TGM4: variants seen among roughly 807,000 people sequenced by gnomAD.
TGM4 encodes the protein transglutaminase 4.
Under a neutral mutation model 76.3 loss-of-function variants are expected in TGM4, and 61 were observed. That is an observed-to-expected ratio of 0.80 (90% CI 0.65 to 0.99). The LOEUF (loss-of-function observed/expected upper bound fraction) is 0.99, where lower values mean the gene tolerates loss of function less well. Among genes scored for constraint, TGM4 ranks in the 50% least tolerant of loss-of-function variants. The pLI, the probability that TGM4 is intolerant of heterozygous loss-of-function variation, is 0.00. For missense variants in TGM4, 794 were observed against 843.2 expected (o/e 0.94, Z 0.72); for synonymous variants, 337 against 329.8 (o/e 1.02, Z -0.24).
chr3:44,914,059 C>A lies in TGM4; in HGVS notation c.*334C>A. The stretch of plus-strand genomic sequence containing the variant: ...CAGAGTCTCTCCCTGGAGCAGCAGA[C>A]TATGGGCAGCCCAGTGCTGCCACCT... On this transcript the variant is annotated 3_prime_UTR_variant, in exon 14 of 14. Transcript: ENST00000296125. The A allele has an allele frequency of 4.3e-6, 1 of 233,834 alleles. No individual in the cohort carries two copies. The highest frequency in any genetic ancestry group is 8.4e-6 in the Non-Finnish European group (1 of 119,506). 14.5% of individuals were successfully genotyped at this position (233,834 alleles called of 1,614,324 possible).
intron 4 of TGM4, among the ~76,000 whole-genome samples, chr3:44,891,483 G>A (rs2125752107): frequency 6.7e-6 from 1 of 150,100 alleles, no homozygotes; most frequent in East Asian, 2.0e-4. Context: ...TGCTCCATTT[G>A]CTTAATCATT....
intron 6 of TGM4, among the ~76,000 whole-genome samples, chr3:44,900,027 C>G (rs146828195): frequency 7.0e-4 from 107 of 152,320 alleles, no homozygotes; most frequent in African/African-American, 2.4e-3. Flanking sequence ...GGGACCATCT[C>G]GGTGACTGCC....
rs74827172 is a variant in TGM4 at position 44,913,017 on chromosome 3, A to G, written c.1914-567A>G. Among the ~76,000 whole-genome samples the G allele has an allele frequency of 7.3e-3, 1,119 of 152,334 alleles. 17 individuals are homozygous for G. The highest frequency in any genetic ancestry group is 0.024 in the African/African-American group (1,000 of 41,570). Reference sequence around the variant, plus strand: ...GGATGTCTGAATCTTCCAAGTAAAAATGAGTAGACTCCTATTTTCCTTAGA... The same window carrying G: ...GGATGTCTGAATCTTCCAAGTAAAAGTGAGTAGACTCCTATTTTCCTTAGA... On this transcript the variant is annotated intron_variant, in intron 13 of 13. Coordinates refer to ENST00000296125, the MANE Select transcript of TGM4 (RefSeq NM_003241.4).
rs752236746 is a variant in TGM4 at position 44,890,762 on chromosome 3, T to C, written c.430+30T>C. ...TGTGAATCTCAGGTCTGCTGGGGAA[T>C]GGCAGGTGACCCCGGCAAAACCTGC... On this transcript the variant is annotated intron_variant, in intron 4 of 13. Transcript: ENST00000296125. 7 of 1,611,926 alleles carry C rather than the reference T, an allele frequency of 4.3e-6. No homozygotes were observed. The African/African-American group carries it at 5.3e-5, about 12-fold the overall frequency.
chr3:44,890,157 C>A (rs1699669463), intron 3 of TGM4, among the ~76,000 whole-genome samples: 1 of 152,166 alleles, frequency 6.6e-6, no homozygotes, highest in African/African-American at 2.4e-5. Flanking sequence ...CACCTCCCAC[C>A]AGGTCCCTCA....
At chr3:44,880,005 C>T (rs537696963) in intron 1 of TGM4, among the ~76,000 whole-genome samples, 1 of 151,982 alleles carries the variant, frequency 6.6e-6, no homozygotes, top group South Asian at 2.1e-4. Flanking sequence ...CTCTATGTTG[C>T]CCAGGCTGAT....
chr3:44,897,284 G>A (rs1344486488), intron 6 of TGM4, among the ~76,000 whole-genome samples: 2 of 152,162 alleles, frequency 1.3e-5, no homozygotes, highest in South Asian at 4.1e-4. Flanking sequence ...GATTACAGGC[G>A]TGGGCCACCG....
chr3:44,896,750 T>A lies in TGM4; in HGVS notation c.591T>A (p.Thr197=). 6.2e-7 allele frequency: 1 copy of A among 1,614,204 alleles called. No individual in the cohort carries two copies. Among genetic ancestry groups the A allele is most frequent in the East Asian group, 2.2e-5 (1 of 44,866 alleles). Reference sequence around the variant, plus strand: ...TGGACTGCTGCATTTCCCTGCTGACTGAGAGCTCCCTCAAGCCCACAGATA... The same window carrying A: ...TGGACTGCTGCATTTCCCTGCTGACAGAGAGCTCCCTCAAGCCCACAGATA... The part of the protein sequence containing the change: ...NVLDCCISLL[T]ESSLKPTDRR... Residue 197 remains threonine (T), a synonymous_variant, in exon 6 of 14, where the codon ACT becomes ACA. Transcript: ENST00000296125.
intron 9 of TGM4, among the ~76,000 whole-genome samples, chr3:44,906,505 T>G (rs565032657): frequency 3.6e-4 from 54 of 152,030 alleles, no homozygotes; most frequent in Non-Finnish European, 6.5e-4. Context: ...CTAAGTACTT[T>G]GCCTGGATTA....
chr3:44,908,413 G>GT (rs138110500), intron 10 of TGM4, among the ~76,000 whole-genome samples: 8,738 of 149,892 alleles, frequency 0.058, 731 homozygotes, highest in African/African-American at 0.18. Flanking sequence ...TTTGTTTTTT[G>GT]TTTTTTTTGC....
At chr3:44,889,372 A>T (rs1414251716) in intron 3 of TGM4, among the ~76,000 whole-genome samples, 1 of 151,888 alleles carries the variant, frequency 6.6e-6, no homozygotes, top group East Asian at 1.9e-4. Flanking sequence ...GCAGCCTCAA[A>T]TGTGGCACAT....
In TGM4 at chr3:44,911,123, T is replaced by A; in HGVS notation, c.1772T>A (p.Ile591Lys). 1 of 1,614,052 alleles carries A rather than the reference T, an allele frequency of 6.2e-7. No individual in the cohort carries two copies. Among genetic ancestry groups the A allele is most frequent in the Admixed American group, 1.7e-5 (1 of 60,022 alleles). ...TCTTTCCAGTACCCTGAGTTCTCTA[T>A]AGAGGTGAGCTTCCTGCAGGCCATA... is the stretch of plus-strand genomic sequence containing the variant. ...FTSFQYPEFS[I>K]ELPNTGRIGQ... The change falls in exon 12 of 14, where the codon ATA becomes AAA. Residue 591 changes from isoleucine (I) to lysine (K), a missense_variant. By Grantham distance (102) the Ile-to-Lys change is moderately radical. Transcript: ENST00000296125.
intron 5 of TGM4, among the ~76,000 whole-genome samples, chr3:44,896,144 T>C (rs1699775262): frequency 6.6e-6 from 1 of 152,180 alleles, no homozygotes; most frequent in South Asian, 2.1e-4. Context: ...AGAGTTTTGC[T>C]CTTGTTGCCC....
intron 4 of TGM4, among the ~76,000 whole-genome samples, chr3:44,891,542 A>AC (rs750724127): frequency 0.02 from 2,828 of 138,646 alleles, 46 homozygotes; most frequent in Middle Eastern, 0.065. Flanking sequence ...CACACACACA[A>AC]GCTTTTTATT....
At position 44,913,968 on chromosome 3, in the gene TGM4, C is replaced by T; in HGVS notation, c.*243C>T. 1 of 432,708 alleles carries T rather than the reference C, an allele frequency of 2.3e-6. No homozygotes were observed. The highest frequency in any genetic ancestry group is 3.9e-5 in the South Asian group (1 of 25,642). The allele number at this position is 432,708 out of a possible 1,614,324, so 26.8% of individuals were successfully genotyped here. A position where few individuals can be genotyped will look rare whatever the true frequency, so the allele number is the denominator to read the frequency against. On this transcript the variant is annotated 3_prime_UTR_variant, in exon 14 of 14. Coordinates refer to ENST00000296125, the MANE Select transcript of TGM4 (RefSeq NM_003241.4). ...GAGGCCACAGAATCCCATCCCTTTC[C>T]TGAGTCATGGCCTCAAAAATCAGGG...
intron 5 of TGM4, among the ~76,000 whole-genome samples, chr3:44,894,210 A>C (rs1218243165): frequency 2.4e-3 from 1 of 420 alleles, no homozygotes; most frequent in Admixed American, 0.031. Flanking sequence ...GCTCTCTCCC[A>C]CCCCCCATGG....
At chr3:44,892,670 C>T (rs539234289) in intron 4 of TGM4, among the ~76,000 whole-genome samples, 5 of 152,264 alleles carry the variant, frequency 3.3e-5, no homozygotes, top group African/African-American at 1.2e-4. Flanking sequence ...CGCACCCAGC[C>T]GGTCACTTGA....
intron 5 of TGM4, 93 bp from the exon 6 acceptor site, chr3:44,896,616 A>C (rs1187846704): frequency 1.7e-6 from 2 of 1,161,098 alleles, no homozygotes; most frequent in Non-Finnish European, 2.6e-6. Flanking sequence ...GTTACGCTAC[A>C]GGGTGGCTGT....
intron 4 of TGM4, among the ~76,000 whole-genome samples, chr3:44,892,133 C>T (rs1699708132): frequency 6.6e-6 from 1 of 151,578 alleles, no homozygotes; most frequent in Non-Finnish European, 1.5e-5. Context: ...TGGCATGCAC[C>T]TGTAATCCCA....
Sources: gnomAD v4.1 joint callset for allele counts (sites outside exome capture counted in the v4.1 genomes callset) on GRCh38, gnomAD v4.1.1 for gene constraint, MANE v1.5 for transcripts, NCBI Gene and HGNC (gene_info 2026-07-23, HGNC 2026-07-21) for gene names.